The following GPR158 variants were observed in gnomAD, a reference collection of about 807,000 sequenced individuals.
GPR158 encodes G protein-coupled receptor 158.
A neutral mutation model predicts 78.2 loss-of-function variants in GPR158; 30 were observed. The ratio of observed to expected loss-of-function variants is 0.38; its 90% CI spans 0.29 to 0.52. The LOEUF (loss-of-function observed/expected upper bound fraction) is 0.52. Among genes scored for constraint, GPR158 ranks in the 20% least tolerant of loss-of-function variants. GPR158 has a pLI of 0.83. For missense variants in GPR158, 1,463 were observed against 1,523.5 expected (o/e 0.96, Z 0.66); for synonymous variants, 581 against 591.1 (o/e 0.98, Z 0.25).
chr10:25,395,368 CA>C (rs1320053673), intron 2 of GPR158, among the ~76,000 whole-genome samples: 4 of 151,992 alleles, frequency 2.6e-5, no homozygotes, highest in African/African-American at 9.7e-5. Context: ...TCTAAATTTG[CA>C]TTTTTAAATT....
At chr10:25,403,551 T>C (rs904878927) in intron 3 of GPR158, among the ~76,000 whole-genome samples, 1 of 152,064 alleles carries the variant, frequency 6.6e-6, no homozygotes, top group African/African-American at 2.4e-5. Context: ...CAAGGGTTTT[T>C]AGATTTCAGC....
At chr10:25,445,048 G>T (rs539911149) in intron 4 of GPR158, among the ~76,000 whole-genome samples, 19 of 152,272 alleles carry the variant, frequency 1.2e-4, no homozygotes, top group African/African-American at 3.4e-4. Flanking sequence ...TTGAAATGGA[G>T]ATGGAATATA....
At chr10:25,242,051 T>C (rs903935015) in intron 2 of GPR158, among the ~76,000 whole-genome samples, 1 of 152,236 alleles carries the variant, frequency 6.6e-6, no homozygotes, top group African/African-American at 2.4e-5. Flanking sequence ...AAACTAAACA[T>C]GGCAATTTAA....
intron 4 of GPR158, among the ~76,000 whole-genome samples, chr10:25,437,306 A>C (rs1588864072): frequency 6.6e-6 from 1 of 151,586 alleles, no homozygotes. Flanking sequence ...GCTCACTGCA[A>C]CCTCCACCTC....
intron 2 of GPR158, among the ~76,000 whole-genome samples, chr10:25,241,341 C>CTTT (rs1554787261): frequency 9.2e-6 from 1 of 108,924 alleles, no homozygotes; most frequent in African/African-American, 4.2e-5. Flanking sequence ...CTTCTCTTTT[C>CTTT]TCTTTTCTCT....
chr10:25,290,651 T>G (rs561947792), intron 2 of GPR158, among the ~76,000 whole-genome samples: 2 of 152,146 alleles, frequency 1.3e-5, no homozygotes, highest in Non-Finnish European at 2.9e-5. Context: ...GATAATCAGG[T>G]GATAAATGAC....
rs75353626 is a variant in GPR158 at position 25,522,586 on chromosome 10, G to T, written c.1405-28390G>T. 3.6e-3 allele frequency among the ~76,000 whole-genome samples: 547 copies of T among 152,286 alleles called. 1 individual carries two copies. Among genetic ancestry groups the T allele is most frequent in the African/African-American group, 0.011 (471 of 41,554 alleles). On this transcript the variant is annotated intron_variant, in intron 5 of 10. Transcript: ENST00000376351. The stretch of plus-strand genomic sequence containing the variant: ...TGGAGGAAATTGCATTTATGTAATT[G>T]AATTCACTATAAAGACAGACCTGTG...
At chr10:25,291,521 C>T (rs547600290) in intron 2 of GPR158, among the ~76,000 whole-genome samples, 2 of 152,076 alleles carry the variant, frequency 1.3e-5, no homozygotes, top group Admixed American at 6.5e-5. Flanking sequence ...CACGAGGCTG[C>T]TTCTTGTAAC....
chr10:25,380,691 G>A (rs138386809), intron 2 of GPR158, among the ~76,000 whole-genome samples: 5 of 152,200 alleles, frequency 3.3e-5, no homozygotes, highest in Admixed American at 2.0e-4. Flanking sequence ...CATGTAATCT[G>A]TATGGAATTA....
At chr10:25,582,416 C>T in intron 7 of GPR158, among the ~76,000 whole-genome samples, 1 of 152,148 alleles carries the variant, frequency 6.6e-6, no homozygotes, top group East Asian at 1.9e-4. Context: ...ACAGTATAGT[C>T]TCCCTACCCT....
At chr10:25,545,130 A>C (rs1281815693) in intron 5 of GPR158, among the ~76,000 whole-genome samples, 1 of 152,188 alleles carries the variant, frequency 6.6e-6, no homozygotes, top group East Asian at 1.9e-4. Flanking sequence ...GGTTGGTTGC[A>C]AGTCTCTGCT....
chr10:25,475,063 A>C (rs1235535500), intron 5 of GPR158, among the ~76,000 whole-genome samples: 1 of 152,184 alleles, frequency 6.6e-6, no homozygotes, highest in Non-Finnish European at 1.5e-5. Flanking sequence ...GAAGTACTCT[A>C]GAAAAGTATG....
At chr10:25,584,900 G>A (rs775755963) in intron 7 of GPR158, among the ~76,000 whole-genome samples, 37 of 152,236 alleles carry the variant, frequency 2.4e-4, no homozygotes, top group Middle Eastern at 3.4e-3. Flanking sequence ...TTGCTGTGGC[G>A]GCCTGAGCAT....
At chr10:25,367,223 G>A (rs1229227599) in intron 2 of GPR158, among the ~76,000 whole-genome samples, 1 of 151,556 alleles carries the variant, frequency 6.6e-6, no homozygotes, top group African/African-American at 2.4e-5. Context: ...GGCTACCCAA[G>A]GGACCTAGCA....
chr10:25,219,303 G>A (rs1436436689), intron 1 of GPR158, among the ~76,000 whole-genome samples: 3 of 152,052 alleles, frequency 2.0e-5, no homozygotes, highest in African/African-American at 4.8e-5. Flanking sequence ...CCTTTCTGTC[G>A]TGCATAGTGT....
chr10:25,578,079 A>G (rs1029900961), intron 7 of GPR158, among the ~76,000 whole-genome samples: 1 of 152,216 alleles, frequency 6.6e-6, no homozygotes, highest in East Asian at 1.9e-4. Context: ...TTTGAGAATC[A>G]TCTACATCTA....
At chr10:25,543,261 C>T (rs890735434) in intron 5 of GPR158, among the ~76,000 whole-genome samples, 1 of 152,044 alleles carries the variant, frequency 6.6e-6, no homozygotes, top group African/African-American at 2.4e-5. Context: ...GCTGGGATTA[C>T]AAGTGTTCAC....
intron 2 of GPR158, among the ~76,000 whole-genome samples, chr10:25,268,614 G>A (rs1403902984): frequency 6.6e-6 from 1 of 152,164 alleles, no homozygotes; most frequent in Non-Finnish European, 1.5e-5. Context: ...TATCTTCTAT[G>A]AGGAACTTTT....
intron 4 of GPR158, among the ~76,000 whole-genome samples, chr10:25,429,227 A>G (rs1161826479): frequency 6.6e-6 from 1 of 152,098 alleles, no homozygotes; most frequent in Non-Finnish European, 1.5e-5. Flanking sequence ...CTAATTATTT[A>G]AACATAAGTG....
Sources: gnomAD v4.1 joint callset for allele counts (sites outside exome capture counted in the v4.1 genomes callset) on GRCh38, gnomAD v4.1.1 for gene constraint, MANE v1.5 for transcripts, NCBI Gene and HGNC (gene_info 2026-07-23, HGNC 2026-07-21) for gene names.